CLASP2: variants seen among roughly 807,000 people sequenced by gnomAD.
CLASP2 encodes the protein cytoplasmic linker associated protein 2.
Under a neutral mutation model 194.4 loss-of-function variants are expected in CLASP2, and 47 were observed. The ratio of observed to expected loss-of-function variants is 0.24; its 90% CI spans 0.19 to 0.31. The LOEUF is 0.31. Among genes scored for constraint, CLASP2 ranks in the 10% least tolerant of loss-of-function variants. The pLI, the probability that CLASP2 is intolerant of heterozygous loss-of-function variation, is 1.00. For missense variants in CLASP2, 1,445 were observed against 1,823.6 expected, an observed-to-expected ratio of 0.79 and a Z score of 3.78; for synonymous variants, 619 against 633.5, an observed-to-expected ratio of 0.98 and a Z score of 0.34.
At chr3:33,526,202 G>A (rs1349410103) in intron 34 of CLASP2, among the ~76,000 whole-genome samples, 3 of 151,728 alleles carry the variant, frequency 2.0e-5, no homozygotes, top group Admixed American at 6.6e-5. Context: ...TGAACTCCTG[G>A]TGTCAAGTGA....
At chr3:33,642,016 C>G (rs1406098345) in intron 8 of CLASP2, among the ~76,000 whole-genome samples, 1 of 151,956 alleles carries the variant, frequency 6.6e-6, no homozygotes, top group East Asian at 1.9e-4. Flanking sequence ...GAACAATCTT[C>G]AAGTATCTGA....
chr3:33,497,189 C>A lies in CLASP2; in HGVS notation c.*1442G>T, dbSNP rs1559724054. ...CCTATGACAAATCATCCATTCAGTACTCTTGTCTTAAATTCTTTACATATA... is the reference window on the plus strand; with the variant it reads ...CCTATGACAAATCATCCATTCAGTAATCTTGTCTTAAATTCTTTACATATA... On this transcript the variant is annotated 3_prime_UTR_variant, in exon 39 of 39. Transcript: ENST00000682230. The A allele has an allele frequency of 2.6e-5, 4 of 152,512 alleles. No homozygotes were observed. The highest frequency in any genetic ancestry group is 1.5e-5 in the Non-Finnish European group (1 of 68,006). The allele number at this position is 152,512 out of a possible 1,614,324, so 9.4% of individuals were successfully genotyped here.
At chr3:33,606,986 T>G (rs544628427) in intron 15 of CLASP2, among the ~76,000 whole-genome samples, 2 of 152,356 alleles carry the variant, frequency 1.3e-5, no homozygotes, top group South Asian at 4.1e-4. Context: ...ATAGTTTGTG[T>G]GGCCTTGGGT....
chr3:33,645,140 C>T (rs893295635), intron 7 of CLASP2: 8 of 704,334 alleles, frequency 1.1e-5, no homozygotes, highest in Non-Finnish European at 2.0e-5. Flanking sequence ...CATATTAAGT[C>T]AAAACATAAA....
At chr3:33,623,118 T>C (rs911792105) in intron 10 of CLASP2, among the ~76,000 whole-genome samples, 1 of 152,200 alleles carries the variant, frequency 6.6e-6, no homozygotes, top group African/African-American at 2.4e-5. Flanking sequence ...TTTAATTTCT[T>C]ACATTTTTAA....
intron 23 of CLASP2, 60 bp from the exon 24 acceptor site, chr3:33,576,335 T>C (rs2154199139): frequency 1.5e-6 from 2 of 1,379,032 alleles, no homozygotes; most frequent in Admixed American, 1.8e-5. Flanking sequence ...CAGTGTCAGG[T>C]TGGGAAACTT....
chr3:33,714,050 T>G lies in CLASP2; in HGVS notation c.195+3758A>C, dbSNP rs530804233. The stretch of plus-strand genomic sequence containing the variant: ...TATGGCCTAAAGCAATATACTTATG[T>G]CTCCTTTTCTACAAAAAAAGGAAAA... On this transcript the variant is annotated intron_variant, in intron 1 of 38. Coordinates refer to ENST00000682230, the MANE Select transcript of CLASP2 (RefSeq NM_001365631.1). Among the ~76,000 whole-genome samples, 41 of 152,280 alleles carry G rather than the reference T, an allele frequency of 2.7e-4. No homozygotes were observed. The South Asian group carries it at 8.3e-3, about 31-fold the overall frequency.
chr3:33,695,590 C>CAA (rs34282431), intron 2 of CLASP2, among the ~76,000 whole-genome samples: 1 of 152,040 alleles, frequency 6.6e-6, no homozygotes, highest in Non-Finnish European at 1.5e-5. Flanking sequence ...CCAAACATAT[C>CAA]AAAAAGTTAA....
chr3:33,503,972 T>C (rs976355280), intron 37 of CLASP2: 5 of 152,370 alleles, frequency 3.3e-5, no homozygotes, highest in Admixed American at 3.3e-4. Flanking sequence ...CATTTGTACA[T>C]CTTCTTTGAA....
intron 29 of CLASP2, among the ~76,000 whole-genome samples, chr3:33,554,388 A>G (rs1365774478): frequency 6.6e-6 from 1 of 152,206 alleles, no homozygotes; most frequent in Non-Finnish European, 1.5e-5. Context: ...CAATACCGTA[A>G]GTGAAATAAG....
At chr3:33,549,571 T>G (rs1005209912) in intron 30 of CLASP2, among the ~76,000 whole-genome samples, 8 of 152,180 alleles carry the variant, frequency 5.3e-5, no homozygotes, top group Non-Finnish European at 1.0e-4. Context: ...TCTATTGTGG[T>G]CAGAGAACAT....
chr3:33,543,099 G>A (rs1433514026), intron 32 of CLASP2, among the ~76,000 whole-genome samples: 1 of 152,108 alleles, frequency 6.6e-6, no homozygotes, highest in East Asian at 1.9e-4. Context: ...ACAGCCAAGG[G>A]TGGTACCTCA....
At chr3:33,545,909 GAA>G (rs398062225) in intron 30 of CLASP2, among the ~76,000 whole-genome samples, 4 of 124,672 alleles carry the variant, frequency 3.2e-5, no homozygotes, top group African/African-American at 2.9e-5. Context: ...GACTTAAAAG[GAA>G]AAAAAAAAAA....
At chr3:33,709,200 C>T (rs2092879459) in intron 1 of CLASP2, among the ~76,000 whole-genome samples, 1 of 152,080 alleles carries the variant, frequency 6.6e-6, no homozygotes, top group Non-Finnish European at 1.5e-5. Flanking sequence ...AGGATATTTC[C>T]CCCTATGTTT....
intron 18 of CLASP2, among the ~76,000 whole-genome samples, chr3:33,598,759 A>C (rs2071199786): frequency 6.6e-6 from 1 of 152,158 alleles, no homozygotes; most frequent in African/African-American, 2.4e-5. Context: ...TGTCCATATG[A>C]CCTCATTGAA....
intron 1 of CLASP2, among the ~76,000 whole-genome samples, chr3:33,716,294 T>C (rs1398846889): frequency 6.6e-6 from 1 of 152,148 alleles, no homozygotes; most frequent in African/African-American, 2.4e-5. Context: ...ATGAGACCCC[T>C]GATGGATTCT....
intron 1 of CLASP2, among the ~76,000 whole-genome samples, chr3:33,717,447 G>A (rs1162323894): frequency 6.6e-6 from 1 of 151,894 alleles, no homozygotes; most frequent in Non-Finnish European, 1.5e-5. Flanking sequence ...CTTTTTTTGA[G>A]ACAGAGTCTC....
intron 29 of CLASP2, among the ~76,000 whole-genome samples, chr3:33,552,053 T>C (rs945894448): frequency 2.0e-5 from 3 of 151,430 alleles, no homozygotes; most frequent in African/African-American, 7.3e-5. Context: ...AAATGAGTTA[T>C]ACAAGTACCA....
At chr3:33,502,826 GCAAT>G (rs1315639263) in intron 37 of CLASP2, 7 of 152,250 alleles carry the variant, frequency 4.6e-5, no homozygotes, top group South Asian at 4.1e-4. Context: ...CCTAAGTCAT[GCAAT>G]CAAACTGTTA....
Sources: gnomAD v4.1 joint callset for allele counts (sites outside exome capture counted in the v4.1 genomes callset) on GRCh38, gnomAD v4.1.1 for gene constraint, MANE v1.5 for transcripts, NCBI Gene and HGNC (gene_info 2026-07-23, HGNC 2026-07-21) for gene names.